The following RALYL variants were observed in gnomAD, a reference collection of about 807,000 sequenced individuals.
The protein encoded by RALYL is RALY RNA binding protein like, also known as RNA-binding Raly-like protein.
RALYL carries 29 observed loss-of-function variants against 35.1 expected under a neutral mutation model. The ratio of observed to expected loss-of-function variants is 0.83; its 90% CI spans 0.61 to 1.13. RALYL has a LOEUF of 1.13. Ranked by LOEUF, RALYL falls within the 50% of genes most tolerant of loss-of-function variation. RALYL has a pLI of 0.00. For missense variants in RALYL, 359 were observed against 360.4 expected (o/e 1.00, Z 0.03); for synonymous variants, 120 against 127.6 (o/e 0.94, Z 0.40).
intron 2 of RALYL, among the ~76,000 whole-genome samples, chr8:84,733,144 T>C (rs147575007): frequency 6.6e-6 from 1 of 152,274 alleles, no homozygotes; most frequent in Non-Finnish European, 1.5e-5. Flanking sequence ...TTTCCTGTGC[T>C]GATGCTTACT....
intron 4 of RALYL, among the ~76,000 whole-genome samples, chr8:84,807,797 G>A (rs1157822735): frequency 6.6e-6 from 1 of 151,992 alleles, no homozygotes; most frequent in African/African-American, 2.4e-5. Context: ...TATGTTTCTT[G>A]GCCATTTGTA....
At chr8:84,888,761 T>A (rs1354078784) in intron 8 of RALYL, among the ~76,000 whole-genome samples, 1 of 152,152 alleles carries the variant, frequency 6.6e-6, no homozygotes, top group African/African-American at 2.4e-5. Context: ...TTGAATTAAT[T>A]ATTTTTGAGA....
Position 84,217,396 on chromosome 8 carries a change from A to G in RALYL, c.-24+32972A>G, listed in dbSNP as rs528473677. On this transcript the variant is annotated intron_variant, in intron 1 of 8. Coordinates refer to ENST00000521268, the MANE Select transcript of RALYL (RefSeq NM_173848.7). ...AAACATATATTAAAATATTTTAAAT[A>G]CACTCAATATTAAATATATTTGAAC... Among the ~76,000 whole-genome samples the G allele has an allele frequency of 8.1e-4, 124 of 152,276 alleles. 1 individual carries two copies. The highest frequency in any genetic ancestry group is 2.9e-3 in the African/African-American group (120 of 41,588).
intron 1 of RALYL, among the ~76,000 whole-genome samples, chr8:84,368,421 T>C (rs1216790430): frequency 6.6e-6 from 1 of 152,170 alleles, no homozygotes; most frequent in Admixed American, 6.6e-5. Context: ...AAAAATAATA[T>C]AGTGCATATA....
chr8:84,902,306 TCAAA>T (rs1845827774), intron 8 of RALYL, among the ~76,000 whole-genome samples: 1 of 152,014 alleles, frequency 6.6e-6, no homozygotes, highest in Non-Finnish European at 1.5e-5. Flanking sequence ...CCACACACTT[TCAAA>T]CAGACAGATC....
intron 4 of RALYL, among the ~76,000 whole-genome samples, chr8:84,818,350 T>A (rs1827817562): frequency 6.6e-6 from 1 of 152,174 alleles, no homozygotes; most frequent in African/African-American, 2.4e-5. Flanking sequence ...CTATCAAGCA[T>A]TTAGGAATTG....
chr8:84,367,217 C>A (rs1026640446), intron 1 of RALYL, among the ~76,000 whole-genome samples: 3 of 148,220 alleles, frequency 2.0e-5, no homozygotes, highest in African/African-American at 4.9e-5. Flanking sequence ...CTCACTGCAA[C>A]CTCTGCCTCC....
intron 1 of RALYL, among the ~76,000 whole-genome samples, chr8:84,471,051 C>T (rs937348602): frequency 1.3e-5 from 2 of 152,098 alleles, no homozygotes; most frequent in African/African-American, 4.8e-5. Context: ...TGAGCACTGC[C>T]TCTTGGCTCT....
At chr8:84,242,419 A>G (rs1052266719) in intron 1 of RALYL, among the ~76,000 whole-genome samples, 8 of 152,334 alleles carry the variant, frequency 5.3e-5, no homozygotes, top group Non-Finnish European at 1.2e-4. Flanking sequence ...GAATTGCTAC[A>G]GTGTCTTCCA....
At chr8:84,788,382 T>C (rs186625896) in intron 3 of RALYL, among the ~76,000 whole-genome samples, 1 of 152,286 alleles carries the variant, frequency 6.6e-6, no homozygotes, top group East Asian at 1.9e-4. Context: ...ATGCAGATAA[T>C]ATTTTTCTTA....
At chr8:84,873,193 G>A (rs1840533910) in intron 6 of RALYL, 91 bp from the exon 7 acceptor site, 2 of 612,412 alleles carry the variant, frequency 3.3e-6, no homozygotes, top group Non-Finnish European at 5.8e-6. Flanking sequence ...ACACAGACTT[G>A]AGAAAATACG....
intron 2 of RALYL, among the ~76,000 whole-genome samples, chr8:84,619,648 G>C (rs569806032): frequency 5.4e-4 from 81 of 149,472 alleles, no homozygotes; most frequent in African/African-American, 2.0e-3. Flanking sequence ...GATGTTAGCT[G>C]GTTATTTTGC....
Position 84,887,710 on chromosome 8 carries a change from T to C in RALYL, c.792T>C (p.Asp264=). 1.2e-6 allele frequency: 2 copies of C among 1,613,902 alleles called. No individual in the cohort carries two copies. The highest frequency in any genetic ancestry group is 2.2e-5 in the South Asian group (2 of 91,082). Residue 264 remains aspartate, a synonymous_variant, in exon 8 of 9, where the codon GAT becomes GAC. Coordinates refer to ENST00000521268, the MANE Select transcript of RALYL (RefSeq NM_173848.7). ...STEEPAEGGP[D]ADGEEMTDGI... ...AGGAGCCTGCTGAAGGAGGGCCAGATGCCGATGGAGAAGAGATGACAGATG... is the reference window on the plus strand; with the variant it reads ...AGGAGCCTGCTGAAGGAGGGCCAGACGCCGATGGAGAAGAGATGACAGATG...
At chr8:84,638,871 A>T (rs10098906) in intron 2 of RALYL, among the ~76,000 whole-genome samples, 4,141 of 83,506 alleles carry the variant, frequency 0.05, 391 homozygotes, top group African/African-American at 0.084. Context: ...TGCACGCATA[A>T]ATATATATAT....
At chr8:84,881,977 T>A (rs894197122) in intron 7 of RALYL, among the ~76,000 whole-genome samples, 1 of 151,934 alleles carries the variant, frequency 6.6e-6, no homozygotes, top group Non-Finnish European at 1.5e-5. Context: ...CATGAGCACT[T>A]ATTTGTGCCT....
chr8:84,371,576 AAG>A (rs1389244022), intron 1 of RALYL, among the ~76,000 whole-genome samples: 8 of 136,970 alleles, frequency 5.8e-5, no homozygotes, highest in Admixed American at 1.4e-4. Context: ...CACACACAGA[AAG>A]AGAGAGAGAG....
intron 1 of RALYL, among the ~76,000 whole-genome samples, chr8:84,234,582 C>T (rs1233254084): frequency 6.6e-6 from 1 of 152,060 alleles, no homozygotes; most frequent in Admixed American, 6.6e-5. Flanking sequence ...ATTTTAAGCT[C>T]GAGTTTCCTT....
intron 4 of RALYL, among the ~76,000 whole-genome samples, chr8:84,821,694 A>G (rs1428402047): frequency 6.6e-6 from 1 of 152,170 alleles, no homozygotes; most frequent in Non-Finnish European, 1.5e-5. Flanking sequence ...AAGTACAGAA[A>G]TGCTTTTTGA....
intron 2 of RALYL, among the ~76,000 whole-genome samples, chr8:84,612,388 C>T (rs1323346986): frequency 6.6e-6 from 1 of 151,954 alleles, no homozygotes; most frequent in Non-Finnish European, 1.5e-5. Context: ...GGAGAGCATA[C>T]TTAAGTTGTA....
Sources: allele counts gnomAD v4.1 joint callset (sites outside exome capture counted in the v4.1 genomes callset), GRCh38; gene constraint gnomAD v4.1.1; transcripts MANE v1.5; gene names NCBI Gene and HGNC (gene_info 2026-07-23, HGNC 2026-07-21).